The following KCNA2 variants were observed in gnomAD, a reference collection of about 807,000 sequenced individuals.
KCNA2 encodes potassium channel, voltage gated shaker related subfamily A, member 2.
Under a neutral mutation model 33.4 loss-of-function variants are expected in KCNA2, and 11 were observed. That is an observed-to-expected ratio of 0.33 (90% CI 0.21 to 0.55). The LOEUF is 0.55. Ranked by LOEUF, KCNA2 falls within the 20% of genes least tolerant of loss-of-function variation. The probability of loss-of-function intolerance (pLI) is 0.93; values close to 1 mark genes in which losing one functional copy is unlikely to be tolerated. For synonymous variants in KCNA2, 222 were observed against 231.3 expected (o/e 0.96, Z 0.37); for missense variants, 291 against 621.6 (o/e 0.47, Z 5.66).
chr1:110,609,720 A>AG (rs1379719844), upstream of KCNA2, among the ~76,000 whole-genome samples: 4 of 152,182 alleles, frequency 2.6e-5, no homozygotes, highest in Admixed American at 6.5e-5. Context: ...TAACTAAAGA[A>AG]GGGGGAAAAA....
intron 1 of KCNA2, among the ~76,000 whole-genome samples, chr1:110,625,627 A>T (rs1454773555): frequency 6.6e-6 from 1 of 152,248 alleles, no homozygotes; most frequent in Non-Finnish European, 1.5e-5. Context: ...AAACTTTTGC[A>T]CAGTAAAAAA....
At position 110,596,611 on chromosome 1, in the gene KCNA2, T is replaced by C. The variant is rs1040614170; in HGVS notation, c.*6672A>G. The C allele has an allele frequency of 4.9e-6, 2 of 411,946 alleles. No individual in the cohort carries two copies. Among genetic ancestry groups the C allele is most frequent in the East Asian group, 3.2e-4 (2 of 6,272 alleles). 25.5% of individuals were successfully genotyped at this position (411,946 alleles called of 1,614,324 possible). A position where few individuals can be genotyped will look rare whatever the true frequency, so the allele number is the denominator to read the frequency against. On this transcript the variant is annotated 3_prime_UTR_variant, in exon 3 of 3. Coordinates refer to ENST00000316361, the MANE Select transcript of KCNA2 (RefSeq NM_004974.4). Reference sequence around the variant, plus strand: ...ACAATAAGCATTGAGGTTTACAATGTTGACCCTGAGCAAGGCAAGGTCCCT... The same window carrying C: ...ACAATAAGCATTGAGGTTTACAATGCTGACCCTGAGCAAGGCAAGGTCCCT...
chr1:110,611,472 T>C (rs1055303380), intron 1 of KCNA2, among the ~76,000 whole-genome samples: 3 of 152,252 alleles, frequency 2.0e-5, no homozygotes, highest in African/African-American at 7.2e-5. Flanking sequence ...CTCATGCCTA[T>C]AATCCCAGTA....
chr1:110,620,065 A>AGAGAGC (rs1650206823), intron 1 of KCNA2, among the ~76,000 whole-genome samples: 1 of 141,128 alleles, frequency 7.1e-6, no homozygotes, highest in Non-Finnish European at 1.5e-5. Context: ...AGAGAGAGAG[A>AGAGAGC]GAGAGAGAGA....
chr1:110,608,031 C>A, upstream of KCNA2: 1 of 152,676 alleles, frequency 6.5e-6, no homozygotes. Flanking sequence ...CTCCCTCCCC[C>A]AGGGCCCGGG....
rs1649429088 is a variant in KCNA2, at chr1:110,603,108, A to G, written c.*175T>C. ...GGTGATGAGGATGTGCATGAAAGCC[A>G]TGATAGATATTCTGTGTTCTAAATC... On this transcript the variant is annotated 3_prime_UTR_variant, in exon 3 of 3. Coordinates refer to ENST00000316361, the MANE Select transcript of KCNA2 (RefSeq NM_004974.4). This position sits in a 1 kb window ranked among gnomAD's most constrained non-coding sequence, Gnocchi z 5.7. 2.1e-6 allele frequency: 3 copies of G among 1,424,996 alleles called. No homozygotes were observed. The highest frequency in any genetic ancestry group is 1.8e-6 in the Non-Finnish European group (2 of 1,095,520). 88.3% of individuals were successfully genotyped at this position (1,424,996 alleles called of 1,614,324 possible). A position where few individuals can be genotyped will look rare whatever the true frequency, so the allele number is the denominator to read the frequency against.
chr1:110,622,521 G>C (rs1173517071), intron 1 of KCNA2, among the ~76,000 whole-genome samples: 2 of 151,938 alleles, frequency 1.3e-5, no homozygotes, highest in Non-Finnish European at 2.9e-5. Flanking sequence ...GAAATAAATG[G>C]CATCTAGATT....
chr1:110,599,195 T>A lies in KCNA2; in HGVS notation c.*4088A>T. 1 of 985,400 alleles carries A rather than the reference T, an allele frequency of 1.0e-6. No homozygotes were observed. Among genetic ancestry groups the A allele is most frequent in the Non-Finnish European group, 1.2e-6 (1 of 829,936 alleles). The allele number at this position is 985,400 out of a possible 1,614,324, so 61.0% of individuals were successfully genotyped here. A position where few individuals can be genotyped will look rare whatever the true frequency, so the allele number is the denominator to read the frequency against. ...TGATCCAAAGCCTGACTGCAACTCT[T>A]TACTTCCGATGTAGGTGAAGCCTTT... On this transcript the variant is annotated 3_prime_UTR_variant, in exon 3 of 3. Coordinates refer to ENST00000316361, the MANE Select transcript of KCNA2 (RefSeq NM_004974.4).
rs1245574477 is a variant in KCNA2, at chr1:110,593,930, T to TA, written c.*9352dup. The TA allele has an allele frequency of 1.3e-6, 2 of 1,549,762 alleles. No individual in the cohort carries two copies. The highest frequency in any genetic ancestry group is 3.9e-5 in the Admixed American group (2 of 50,838). On this transcript the variant is annotated 3_prime_UTR_variant, in exon 3 of 3. Transcript: ENST00000316361. ...GTGCAATGTAGTTACAGCTGGTGTC[T>TA]AAATTTTCAAGAAGCAAACAAATAG... is the stretch of plus-strand genomic sequence containing the variant.
chr1:110,620,084 G>GAGAT (rs1650210209), intron 1 of KCNA2, among the ~76,000 whole-genome samples: 1 of 142,236 alleles, frequency 7.0e-6, no homozygotes, highest in African/African-American at 2.9e-5. Flanking sequence ...GAGAGAGAGA[G>GAGAT]AGAGTGAGTG....
Position 110,602,487 on chromosome 1 carries a change from A to C in KCNA2, c.*796T>G, listed in dbSNP as rs1649403643. 1 of 1,173,280 alleles carries C rather than the reference A, an allele frequency of 8.5e-7. No homozygotes were observed. The highest frequency in any genetic ancestry group is 4.3e-5 in the Admixed American group (1 of 23,384). The allele number at this position is 1,173,280 out of a possible 1,614,324, so 72.7% of individuals were successfully genotyped here. On this transcript the variant is annotated 3_prime_UTR_variant, in exon 3 of 3. Coordinates refer to ENST00000316361, the MANE Select transcript of KCNA2 (RefSeq NM_004974.4). ...CATCAGTGGGAAAGCAGATGTCTGCAAACTCCAGTAAGAAACCAGACATGT... is the reference window on the plus strand; with the variant it reads ...CATCAGTGGGAAAGCAGATGTCTGCCAACTCCAGTAAGAAACCAGACATGT...
Position 110,598,447 on chromosome 1 carries a change from C to G in KCNA2, c.*4836G>C, listed in dbSNP as rs1649196775. On this transcript the variant is annotated 3_prime_UTR_variant, in exon 3 of 3. Transcript: ENST00000316361. ...ACTGTGGGCAGTGCTGAATCCCCAG[C>G]CTGAGGAGCTTCAGAGGGTGCTGTC... 1 of 985,302 alleles carries G rather than the reference C, an allele frequency of 1.0e-6. No individual in the cohort carries two copies. Among genetic ancestry groups the G allele is most frequent in the South Asian group, 4.7e-5 (1 of 21,292 alleles). 61.0% of individuals were successfully genotyped at this position (985,302 alleles called of 1,614,324 possible).
chr1:110,599,202 C>T lies in KCNA2; in HGVS notation c.*4081G>A, dbSNP rs562635199. 88 of 985,420 alleles carry T rather than the reference C, an allele frequency of 8.9e-5. No individual in the cohort carries two copies. The highest frequency in any genetic ancestry group is 5.1e-4 in the African/African-American group (29 of 57,358). The allele number at this position is 985,420 out of a possible 1,614,324, so 61.0% of individuals were successfully genotyped here. ...AAGCCTGACTGCAACTCTTTACTTCCGATGTAGGTGAAGCCTTTGCTAAAA... is the reference window on the plus strand; with the variant it reads ...AAGCCTGACTGCAACTCTTTACTTCTGATGTAGGTGAAGCCTTTGCTAAAA... On this transcript the variant is annotated 3_prime_UTR_variant, in exon 3 of 3. Transcript: ENST00000316361.
intron 1 of KCNA2, among the ~76,000 whole-genome samples, chr1:110,631,088 C>A (rs985326769): frequency 6.6e-6 from 1 of 152,180 alleles, no homozygotes; most frequent in South Asian, 2.1e-4. Context: ...AAGCCTCAGA[C>A]CCCATCCCCT....
At chr1:110,624,980 A>T (rs777386136) in intron 1 of KCNA2, among the ~76,000 whole-genome samples, 6 of 152,074 alleles carry the variant, frequency 3.9e-5, no homozygotes, top group Admixed American at 1.3e-4. Flanking sequence ...CAATAGAAAA[A>T]CCTTGGCATC....
intron 1 of KCNA2, among the ~76,000 whole-genome samples, chr1:110,630,989 G>T (rs1340301764): frequency 8.5e-5 from 13 of 152,192 alleles, no homozygotes. Flanking sequence ...GTGCAGGAGG[G>T]CTGCTGTCTC....
At chr1:110,627,019 C>T (rs981010583) in intron 1 of KCNA2, among the ~76,000 whole-genome samples, 1 of 152,198 alleles carries the variant, frequency 6.6e-6, no homozygotes, top group Admixed American at 6.5e-5. Flanking sequence ...TGCTTTATTG[C>T]ATCTCATTTA....
At chr1:110,611,368 T>C (rs1649867702) in intron 1 of KCNA2, among the ~76,000 whole-genome samples, 1 of 152,230 alleles carries the variant, frequency 6.6e-6, no homozygotes, top group Admixed American at 6.5e-5. Context: ...CATGGAGGCC[T>C]GGGCCTTGGC....
At chr1:110,622,943 C>T (rs1358503881) in intron 1 of KCNA2, among the ~76,000 whole-genome samples, 1 of 152,112 alleles carries the variant, frequency 6.6e-6, no homozygotes, top group African/African-American at 2.4e-5. Context: ...CAATAAAAAT[C>T]TTGGCAGAAT....
Sources: gnomAD v4.1 joint callset for allele counts (sites outside exome capture counted in the v4.1 genomes callset) on GRCh38, gnomAD v4.1.1 for gene constraint, Gnocchi (gnomAD v3.1) non-coding constraint, MANE v1.5 for transcripts, NCBI Gene and HGNC (gene_info 2026-07-23, HGNC 2026-07-21) for gene names.